ADCY2: variants seen among roughly 807,000 people sequenced by gnomAD.
ADCY2 encodes adenylate cyclase 2.
ADCY2 carries 31 observed loss-of-function variants against 125.2 expected under a neutral mutation model. The observed-to-expected ratio is 0.25, with a 90% confidence interval of 0.19 to 0.33. The LOEUF (loss-of-function observed/expected upper bound fraction) is 0.33, where lower values mean the gene tolerates loss of function less well. Among genes scored for constraint, ADCY2 ranks in the 10% least tolerant of loss-of-function variants. The pLI is 1.00. For missense variants in ADCY2, 904 were observed against 1,418.2 expected (o/e 0.64, Z 5.82); for synonymous variants, 512 against 548.4 (o/e 0.93, Z 0.93).
chr5:7,411,015 CA>C (rs1739693449), intron 1 of ADCY2, among the ~76,000 whole-genome samples: 1 of 152,166 alleles, frequency 6.6e-6, no homozygotes, highest in South Asian at 2.1e-4. Flanking sequence ...AAGAAAAATG[CA>C]TGATGCAGGC....
chr5:7,694,179 C>T (rs1315871330), intron 5 of ADCY2, among the ~76,000 whole-genome samples: 1 of 152,322 alleles, frequency 6.6e-6, no homozygotes, highest in South Asian at 2.1e-4. Flanking sequence ...CTGGGCTTAG[C>T]AGAAGGAGCA....
At chr5:7,718,947 T>C (rs894738079) in intron 12 of ADCY2, among the ~76,000 whole-genome samples, 1 of 152,054 alleles carries the variant, frequency 6.6e-6, no homozygotes, top group African/African-American at 2.4e-5. Context: ...AGACACAAGA[T>C]CAGAAGAAAG....
chr5:7,623,356 G>T (rs182505606), intron 3 of ADCY2, among the ~76,000 whole-genome samples: 6 of 152,182 alleles, frequency 3.9e-5, no homozygotes, highest in Non-Finnish European at 5.9e-5. Context: ...CATGGTTTGC[G>T]TTGGCTTCTC....
chr5:7,766,629 C>T (rs761926358), intron 16 of ADCY2, 58 bp from the exon 17 acceptor site: 2 of 1,578,458 alleles, frequency 1.3e-6, no homozygotes, highest in East Asian at 2.3e-5. Flanking sequence ...TAGCACCCAC[C>T]TGCTAGTTAT....
chr5:7,492,759 C>G (rs995851040), intron 2 of ADCY2, among the ~76,000 whole-genome samples: 1 of 151,584 alleles, frequency 6.6e-6, no homozygotes, highest in Non-Finnish European at 1.5e-5. Context: ...CTTGCAGAGT[C>G]CAGTTTGGGG....
intron 3 of ADCY2, among the ~76,000 whole-genome samples, chr5:7,581,716 G>A (rs1379888151): frequency 1.3e-5 from 2 of 151,812 alleles, no homozygotes; most frequent in African/African-American, 2.4e-5. Flanking sequence ...AGCTACTTGG[G>A]AGGCTGAGGC....
rs183460604 is a variant in ADCY2 at position 7,774,165 on chromosome 5, A to C, written c.2384+1064A>C. 2.0e-4 allele frequency among the ~76,000 whole-genome samples: 31 copies of C among 152,372 alleles called. No individual in the cohort carries two copies. The East Asian group carries it at 4.6e-3, about 23-fold the overall frequency. ...GAACGGCAGTTATCCCACTGTGTAG[A>C]CATTTCTTACCAATAAGAACCTTTG... On this transcript the variant is annotated intron_variant, in intron 18 of 24. Transcript: ENST00000338316.
chr5:7,748,105 A>G (rs2126441825), intron 15 of ADCY2, among the ~76,000 whole-genome samples: 1 of 152,290 alleles, frequency 6.6e-6, no homozygotes, highest in African/African-American at 2.4e-5. Flanking sequence ...CCTCTGCCTC[A>G]GGTGCCTTCC....
At chr5:7,746,673 A>T (rs1742635242) in intron 15 of ADCY2, among the ~76,000 whole-genome samples, 2 of 152,236 alleles carry the variant, frequency 1.3e-5, no homozygotes, top group Non-Finnish European at 2.9e-5. Context: ...TTTATTAAAG[A>T]GTACTCAATA....
chr5:7,661,398 A>C (rs2126693525), intron 4 of ADCY2, among the ~76,000 whole-genome samples: 1 of 152,336 alleles, frequency 6.6e-6, no homozygotes, highest in South Asian at 2.1e-4. Flanking sequence ...GAGGGACAAA[A>C]GAACCACAAG....
intron 16 of ADCY2, among the ~76,000 whole-genome samples, chr5:7,758,751 A>G (rs1350117844): frequency 0.01 from 7 of 678 alleles, no homozygotes; most frequent in Non-Finnish European, 0.1. Flanking sequence ...TGCTCGATGG[A>G]ATCCTGGAGG....
intron 23 of ADCY2, among the ~76,000 whole-genome samples, chr5:7,818,231 A>G (rs326161): frequency 0.016 from 2,453 of 152,302 alleles, 75 homozygotes; most frequent in African/African-American, 0.056. Flanking sequence ...TTCCTTTGCT[A>G]TGGGTATGTC....
intron 17 of ADCY2, among the ~76,000 whole-genome samples, chr5:7,769,290 A>C (rs944352419): frequency 2.0e-5 from 3 of 152,250 alleles, no homozygotes; most frequent in Admixed American, 1.3e-4. Context: ...GCAAATTTTA[A>C]AATACATTTT....
At chr5:7,474,955 G>A (rs937026674) in intron 2 of ADCY2, among the ~76,000 whole-genome samples, 1 of 152,356 alleles carries the variant, frequency 6.6e-6, no homozygotes, top group Admixed American at 6.5e-5. Context: ...CCTGAGTGGG[G>A]AAGGGTATCC....
At chr5:7,443,733 A>T (rs904727467) in intron 2 of ADCY2, among the ~76,000 whole-genome samples, 6 of 151,658 alleles carry the variant, frequency 4.0e-5, no homozygotes, top group Admixed American at 1.3e-4. Context: ...CACCAGTATT[A>T]ACACTAATAC....
At chr5:7,402,269 T>C (rs1386543366) in intron 1 of ADCY2, among the ~76,000 whole-genome samples, 2 of 152,222 alleles carry the variant, frequency 1.3e-5, no homozygotes, top group African/African-American at 4.8e-5. Flanking sequence ...AGAAAAGGAT[T>C]AAGTTAGCTC....
intron 2 of ADCY2, among the ~76,000 whole-genome samples, chr5:7,460,854 A>C (rs1741891796): frequency 6.6e-6 from 1 of 152,200 alleles, no homozygotes; most frequent in East Asian, 1.9e-4. Flanking sequence ...AGTGGCCTGG[A>C]ATAGGGATGG....
intron 15 of ADCY2, among the ~76,000 whole-genome samples, chr5:7,747,813 A>G (rs1229222716): frequency 6.6e-6 from 1 of 152,176 alleles, no homozygotes; most frequent in Non-Finnish European, 1.5e-5. Context: ...CTGTAGCCCT[A>G]TTTTGTTCAT....
intron 5 of ADCY2, among the ~76,000 whole-genome samples, chr5:7,695,272 T>G (rs1369332530): frequency 1.3e-5 from 2 of 152,224 alleles, no homozygotes. Flanking sequence ...CTGCCCCTAC[T>G]CTTCTCTGTC....
Sources: allele counts gnomAD v4.1 joint callset (sites outside exome capture counted in the v4.1 genomes callset), GRCh38; gene constraint gnomAD v4.1.1; transcripts MANE v1.5; gene names NCBI Gene and HGNC (gene_info 2026-07-23, HGNC 2026-07-21).